Variants in MSRA observed in about 807,000 individuals in gnomAD.
MSRA encodes methionine sulfoxide reductase A.
Under a neutral mutation model 31.3 loss-of-function variants are expected in MSRA, and 54 were observed. The ratio of observed to expected loss-of-function variants is 1.73; its 90% CI spans 1.39 to 2.17. The LOEUF is 2.17. Among genes scored for constraint, MSRA ranks in the 30% most tolerant of loss-of-function variants. The pLI is 0.00. For synonymous variants in MSRA, 169 were observed against 116.5 expected (o/e 1.45, Z -2.90); for missense variants, 507 against 300.9 (o/e 1.69, Z -5.07).
At chr8:10,229,400 G>A (rs577197176) in intron 2 of MSRA, among the ~76,000 whole-genome samples, 11 of 152,300 alleles carry the variant, frequency 7.2e-5, no homozygotes, top group East Asian at 3.9e-4. Context: ...TGTAGGCAGC[G>A]TCCAGAGAGG....
At chr8:10,415,129 A>T (rs2129191090) in intron 5 of MSRA, among the ~76,000 whole-genome samples, 1 of 152,302 alleles carries the variant, frequency 6.6e-6, no homozygotes, top group East Asian at 1.9e-4. Flanking sequence ...TGCACATTTC[A>T]ACTATAGGAC....
chr8:10,394,764 A>G (rs1806989434), intron 5 of MSRA, among the ~76,000 whole-genome samples: 1 of 152,236 alleles, frequency 6.6e-6, no homozygotes, highest in African/African-American at 2.4e-5. Context: ...TTTGGTTAGC[A>G]AGACACTAGG....
intron 1 of MSRA, among the ~76,000 whole-genome samples, chr8:10,192,779 G>A (rs931485981): frequency 1.4e-4 from 22 of 152,160 alleles, no homozygotes; most frequent in African/African-American, 5.1e-4. Flanking sequence ...TGGTGCTCAG[G>A]GTCCTTGGAA....
chr8:10,282,354 T>A (rs969775930), intron 3 of MSRA, among the ~76,000 whole-genome samples: 1 of 152,232 alleles, frequency 6.6e-6, no homozygotes, highest in Non-Finnish European at 1.5e-5. Flanking sequence ...TTCATCAAGC[T>A]ATTTTGATCG....
chr8:10,405,076 C>G (rs1585701141), intron 5 of MSRA, among the ~76,000 whole-genome samples: 1 of 152,212 alleles, frequency 6.6e-6, no homozygotes, highest in African/African-American at 2.4e-5. Context: ...ACAGGAGAGA[C>G]TCGTGGCCAC....
intron 2 of MSRA, among the ~76,000 whole-genome samples, chr8:10,234,193 C>A (rs1287202646): frequency 6.6e-6 from 1 of 151,910 alleles, no homozygotes; most frequent in African/African-American, 2.4e-5. Context: ...AAGGAGAGAC[C>A]TGAAGCATAA....
intron 1 of MSRA, among the ~76,000 whole-genome samples, chr8:10,120,624 G>T (rs1255086066): frequency 6.6e-6 from 1 of 152,234 alleles, no homozygotes; most frequent in African/African-American, 2.4e-5. Context: ...TGCTGGATGT[G>T]CTCAGGATAC....
chr8:10,231,794 T>C (rs1027109436), intron 2 of MSRA, among the ~76,000 whole-genome samples: 4 of 152,040 alleles, frequency 2.6e-5, no homozygotes, highest in African/African-American at 7.2e-5. Context: ...TCCCAACTAC[T>C]TGGGAGGCTG....
chr8:10,364,440 C>T (rs1171336347), intron 5 of MSRA, among the ~76,000 whole-genome samples: 1 of 152,204 alleles, frequency 6.6e-6, no homozygotes, highest in African/African-American at 2.4e-5. Flanking sequence ...TTTTATCTTC[C>T]TGTTCACTTT....
chr8:10,116,427 C>T (rs1353339508), intron 1 of MSRA, among the ~76,000 whole-genome samples: 1 of 152,112 alleles, frequency 6.6e-6, no homozygotes, highest in Non-Finnish European at 1.5e-5. Context: ...AAAAGTAATT[C>T]GTTTGATAAG....
chr8:10,394,696 G>C (rs1806983753), intron 5 of MSRA, among the ~76,000 whole-genome samples: 1 of 152,226 alleles, frequency 6.6e-6, no homozygotes, highest in African/African-American at 2.4e-5. Flanking sequence ...CAGGAAACAG[G>C]TCCTGCTTCC....
At chr8:10,116,366 G>A (rs1800677770) in intron 1 of MSRA, among the ~76,000 whole-genome samples, 2 of 152,224 alleles carry the variant, frequency 1.3e-5, no homozygotes, top group South Asian at 4.2e-4. Flanking sequence ...GACACCCCCT[G>A]GACTATAGTA....
At chr8:10,259,573 C>A (rs867298314) in intron 3 of MSRA, among the ~76,000 whole-genome samples, 1 of 152,126 alleles carries the variant, frequency 6.6e-6, no homozygotes, top group Admixed American at 6.5e-5. Context: ...TTTCCCCATT[C>A]CCATTTCTTC....
intron 1 of MSRA, among the ~76,000 whole-genome samples, chr8:10,064,729 C>T (rs1253254156): frequency 1.3e-5 from 2 of 152,034 alleles, no homozygotes; most frequent in African/African-American, 2.4e-5. Context: ...AATTAGTTTA[C>T]CATTAGGTAT....
chr8:10,318,586 G>A (rs1801859938), intron 4 of MSRA, among the ~76,000 whole-genome samples: 1 of 152,100 alleles, frequency 6.6e-6, no homozygotes, highest in South Asian at 2.1e-4. Flanking sequence ...ATATAATTTT[G>A]GTTAATTTTG....
intron 4 of MSRA, among the ~76,000 whole-genome samples, chr8:10,310,898 T>C (rs1801398870): frequency 6.6e-6 from 1 of 152,266 alleles, no homozygotes; most frequent in Non-Finnish European, 1.5e-5. Context: ...ATTACAATTT[T>C]ATAATCCTAT....
intron 3 of MSRA, among the ~76,000 whole-genome samples, chr8:10,285,392 G>T (rs1799879855): frequency 6.6e-6 from 1 of 151,878 alleles, no homozygotes. Flanking sequence ...CCTATTTATG[G>T]AGTACAGGGT....
intron 5 of MSRA, among the ~76,000 whole-genome samples, chr8:10,332,971 T>A (rs1361176210): frequency 6.6e-6 from 1 of 152,176 alleles, no homozygotes; most frequent in Non-Finnish European, 1.5e-5. Flanking sequence ...GATGCCGGTA[T>A]CAGTCTTTTA....
chr8:10,182,463 T>C (rs928725178), intron 1 of MSRA, among the ~76,000 whole-genome samples: 1 of 152,182 alleles, frequency 6.6e-6, no homozygotes, highest in African/African-American at 2.4e-5. Context: ...ACCCTCAAGA[T>C]GTTAGATAAG....
Sources: allele counts gnomAD v4.1 joint callset (sites outside exome capture counted in the v4.1 genomes callset), GRCh38; gene constraint gnomAD v4.1.1; transcripts MANE v1.5; gene names NCBI Gene and HGNC (gene_info 2026-07-23, HGNC 2026-07-21).